The following PLCG2 variants were observed in gnomAD, a reference collection of about 807,000 sequenced individuals.
The protein encoded by PLCG2 is 1-phosphatidylinositol 4,5-bisphosphate phosphodiesterase gamma-2.
PLCG2 carries 69 observed loss-of-function variants against 175.6 expected under a neutral mutation model. The observed-to-expected ratio is 0.39, with a 90% CI of 0.32 to 0.48. The LOEUF is 0.48. Ranked by LOEUF, PLCG2 falls within the 20% of genes least tolerant of loss-of-function variation. The probability of loss-of-function intolerance (pLI) is 0.91; values close to 1 mark genes in which losing one functional copy is unlikely to be tolerated. For missense variants in PLCG2, 1,798 were observed against 1,650.9 expected (o/e 1.09, Z -1.54); for synonymous variants, 827 against 624.0 (o/e 1.33, Z -4.85).
chr16:81,758,909 C>T (rs1014280683), intron 2 of PLCG2, among the ~76,000 whole-genome samples: 1 of 152,182 alleles, frequency 6.6e-6, no homozygotes, highest in Admixed American at 6.6e-5. Context: ...AACTCCTGAC[C>T]TCAGGTGATC....
At chr16:81,747,524 G>C (rs967129575) in intron 1 of PLCG2, among the ~76,000 whole-genome samples, 1 of 152,056 alleles carries the variant, frequency 6.6e-6, no homozygotes, top group African/African-American at 2.4e-5. Flanking sequence ...GACAGAGGAA[G>C]ACTCTGTCTG....
chr16:81,916,808 T>A (rs995109252), intron 19 of PLCG2, among the ~76,000 whole-genome samples: 22 of 152,208 alleles, frequency 1.4e-4, no homozygotes, highest in African/African-American at 5.3e-4. Flanking sequence ...TGGCTAAGTT[T>A]TGTATTTTTG....
chr16:81,768,450 A>G (rs1287211247), intron 2 of PLCG2, among the ~76,000 whole-genome samples: 3 of 152,008 alleles, frequency 2.0e-5, no homozygotes, highest in South Asian at 2.1e-4. Context: ...GTGAATGTTT[A>G]ACTTTTTAAA....
intron 2 of PLCG2, among the ~76,000 whole-genome samples, chr16:81,805,713 A>G (rs1487257401): frequency 1.3e-5 from 2 of 148,364 alleles, no homozygotes; most frequent in African/African-American, 2.5e-5. Context: ...CTGCTGTGCA[A>G]TGGAAATACA....
At chr16:81,763,406 T>C (rs1477230481) in intron 2 of PLCG2, among the ~76,000 whole-genome samples, 1 of 152,220 alleles carries the variant, frequency 6.6e-6, no homozygotes, top group South Asian at 2.1e-4. Flanking sequence ...CTCTGCAAGG[T>C]CTCTTGTCCA....
intron 11 of PLCG2, among the ~76,000 whole-genome samples, chr16:81,892,019 C>T (rs1908660406): frequency 6.6e-6 from 1 of 152,182 alleles, no homozygotes; most frequent in African/African-American, 2.4e-5. Context: ...GCCATGTCCT[C>T]ATGTGCTGGG....
At chr16:81,908,327 C>G (rs1909467898) in intron 16 of PLCG2, 89 bp from the exon 17 acceptor site, 3 of 1,248,580 alleles carry the variant, frequency 2.4e-6, no homozygotes, top group African/African-American at 3.0e-5. Context: ...ATCTGGTACC[C>G]TGGGTCAGGG....
chr16:81,893,117 C>T (rs1311210273), intron 11 of PLCG2, among the ~76,000 whole-genome samples: 1 of 152,178 alleles, frequency 6.6e-6, no homozygotes, highest in Non-Finnish European at 1.5e-5. Flanking sequence ...CCTCAGCCTG[C>T]CAAAGTGCTG....
chr16:81,870,911 A>C lies in PLCG2; in HGVS notation c.624A>C (p.Lys208Asn), dbSNP rs1203139761. The C allele has an allele frequency of 1.9e-6, 3 of 1,598,146 alleles. No individual in the cohort carries two copies. Among genetic ancestry groups the C allele is most frequent in the Non-Finnish European group, 2.6e-6 (3 of 1,169,556 alleles). Reference sequence around the variant, plus strand: ...AACAGTTCCATCTCTTCTATAAAAAACTTATGTTTGAACAGCAAAAATCGG... The same window carrying C: ...AACAGTTCCATCTCTTCTATAAAAACCTTATGTTTGAACAGCAAAAATCGG... ...SFEQFHLFYKKLMFEQQKSIL... is the reference protein window; with the variant it reads ...SFEQFHLFYKNLMFEQQKSIL... The change falls in exon 7 of 33, where the codon AAA becomes AAC. Residue 208 changes from lysine to asparagine, a missense_variant. Lys to Asn is a moderately conservative substitution (Grantham distance 94). Coordinates refer to ENST00000564138, the MANE Select transcript of PLCG2 (RefSeq NM_002661.5).
chr16:81,900,802 G>T, intron 14 of PLCG2, 22 bp downstream of exon 14: 2 of 1,586,680 alleles, frequency 1.3e-6, no homozygotes, highest in Middle Eastern at 1.8e-4. Flanking sequence ...GGGTGCTGCT[G>T]TTGGCTGTCC....
chr16:81,830,222 A>G (rs1290132611), intron 2 of PLCG2, among the ~76,000 whole-genome samples: 1 of 152,066 alleles, frequency 6.6e-6, no homozygotes, highest in Non-Finnish European at 1.5e-5. Context: ...TAGGAGTCTG[A>G]GGTGGGAAGA....
chr16:81,840,999 A>T (rs1272797458), intron 2 of PLCG2, among the ~76,000 whole-genome samples: 2 of 152,148 alleles, frequency 1.3e-5, no homozygotes, highest in African/African-American at 4.8e-5. Flanking sequence ...TTATCTATTG[A>T]ATAGTTCTGC....
At chr16:81,928,425 G>A (rs957304584) in intron 23 of PLCG2, 133 bp from the exon 24 acceptor site, 8 of 658,732 alleles carry the variant, frequency 1.2e-5, no homozygotes, top group Admixed American at 8.4e-5. Flanking sequence ...CCCCATGGAC[G>A]TATCTGGTAA....
At chr16:81,908,743 G>A (rs1282888922) in intron 17 of PLCG2, 152 bp downstream of exon 17, 1 of 643,650 alleles carries the variant, frequency 1.6e-6, no homozygotes, top group Non-Finnish European at 2.7e-6. Context: ...CGGGACAAGG[G>A]TGAGGTGGGT....
intron 15 of PLCG2, among the ~76,000 whole-genome samples, chr16:81,907,301 G>A (rs576286051): frequency 6.8e-5 from 10 of 148,036 alleles, no homozygotes; most frequent in African/African-American, 9.9e-5. Context: ...AAATTTCATC[G>A]GGGGAAAAAA....
chr16:81,905,314 G>A, intron 14 of PLCG2, 89 bp from the exon 15 acceptor site: 1 of 846,708 alleles, frequency 1.2e-6, no homozygotes, highest in South Asian at 1.5e-5. Context: ...CAAAGGCCCT[G>A]CCTGGGAAGA....
Position 81,865,963 on chromosome 16 carries a change from A to C in PLCG2, c.480-3251A>C, listed in dbSNP as rs879093529. 1.4e-4 allele frequency among the ~76,000 whole-genome samples: 18 copies of C among 126,816 alleles called. 1 individual carries two copies. Among genetic ancestry groups the C allele is most frequent in the African/African-American group, 5.2e-4 (17 of 32,396 alleles). The allele number at this position is 126,816 out of a possible 152,430, so 83.2% of individuals were successfully genotyped here. A position where few individuals can be genotyped will look rare whatever the true frequency, so the allele number is the denominator to read the frequency against. ...CGCTGGCCTCTCCCTTTCTCCCAGG[A>C]TGGGCTCCACTGGGGCACCAGCGTG... On this transcript the variant is annotated intron_variant, in intron 5 of 32. Coordinates refer to ENST00000564138, the MANE Select transcript of PLCG2 (RefSeq NM_002661.5).
intron 2 of PLCG2, among the ~76,000 whole-genome samples, chr16:81,836,914 G>C (rs1475913244): frequency 6.6e-6 from 1 of 152,108 alleles, no homozygotes; most frequent in African/African-American, 2.4e-5. Context: ...CTGTGCACAC[G>C]GGCATGTACT....
chr16:81,786,160 C>A lies in PLCG2; in HGVS notation c.171C>A (p.Thr57=). 1 of 1,614,110 alleles carries A rather than the reference C, an allele frequency of 6.2e-7. No individual in the cohort carries two copies. The highest frequency in any genetic ancestry group is 1.1e-5 in the South Asian group (1 of 91,080). Residue 57 remains threonine, a synonymous_variant, in exon 2 of 33, where the codon ACC becomes ACA. Coordinates refer to ENST00000564138, the MANE Select transcript of PLCG2 (RefSeq NM_002661.5). ...CGCGGCAGGTGGCCTGGAGCAAGAC[C>A]GCTGACAAGATCGAGGGCTTCTGTG... is the stretch of plus-strand genomic sequence containing the variant. ...METRQVAWSK[T]ADKIEGFLDI...
Sources: allele counts gnomAD v4.1 joint callset (sites outside exome capture counted in the v4.1 genomes callset), GRCh38; gene constraint gnomAD v4.1.1; transcripts MANE v1.5; gene names NCBI Gene and HGNC (gene_info 2026-07-23, HGNC 2026-07-21).